Variants in VPS41 observed in about 807,000 individuals in gnomAD.
The protein encoded by VPS41 is VPS41 subunit of HOPS complex.
In VPS41, 85 loss-of-function variants were observed where a neutral mutation model predicts 130.9. The ratio of observed to expected loss-of-function variants is 0.65; its 90% CI spans 0.55 to 0.78. The LOEUF (loss-of-function observed/expected upper bound fraction) is 0.78, where lower values mean the gene tolerates loss of function less well. Ranked by LOEUF, VPS41 falls within the 30% of genes least tolerant of loss-of-function variation. The pLI, the probability that VPS41 is intolerant of heterozygous loss-of-function variation, is 0.00. For synonymous variants in VPS41, 335 were observed against 332.9 expected (o/e 1.01, Z -0.07); for missense variants, 874 against 1,018.7 (o/e 0.86, Z 1.93).
chr7:38,862,629 G>A lies in VPS41; in HGVS notation c.169-7C>T. 6.3e-7 allele frequency: 1 copy of A among 1,581,688 alleles called. No individual in the cohort carries two copies. The highest frequency in any genetic ancestry group is 8.6e-7 in the Non-Finnish European group (1 of 1,156,856). ...GTGTGCCCAATGCCAAAAACTGTAA[G>A]AAGAACAAAGAGGCCAGTTAATTAA... On this transcript the variant is annotated splice_polypyrimidine_tract_variant and splice_region_variant and intron_variant, in intron 3 of 28. Transcript: ENST00000310301.
intron 5 of VPS41, among the ~76,000 whole-genome samples, chr7:38,821,706 CA>C (rs10669199): frequency 1.3e-4 from 15 of 117,534 alleles, no homozygotes; most frequent in Admixed American, 2.8e-4. Context: ...GACTCCGTCT[CA>C]AAAAAAAAAA....
In VPS41 at chr7:38,743,463, G is replaced by A; in HGVS notation, c.2061C>T (p.Ala687=). Residue 687 remains alanine (A), a synonymous_variant, in exon 24 of 29, where the codon GCC becomes GCT. Transcript: ENST00000310301. ...ACAGCTCTCCATCATCTTGCTCCTT[G>A]GCAAATTCGATTGCTTTATCAACAT... ...LHDVDKAIEF[A]KEQDDGELWE... The A allele has an allele frequency of 6.2e-7, 1 of 1,613,920 alleles. No individual in the cohort carries two copies. Among genetic ancestry groups the A allele is most frequent in the East Asian group, 2.2e-5 (1 of 44,860 alleles).
At chr7:38,886,043 G>A (rs1485852857) in intron 2 of VPS41, among the ~76,000 whole-genome samples, 1 of 151,970 alleles carries the variant, frequency 6.6e-6, no homozygotes, top group African/African-American at 2.4e-5. Context: ...TTCCAAGATG[G>A]CCAAACAGGA....
At chr7:38,887,938 A>T (rs992713820) in intron 2 of VPS41, among the ~76,000 whole-genome samples, 1 of 152,200 alleles carries the variant, frequency 6.6e-6, no homozygotes, top group African/African-American at 2.4e-5. Flanking sequence ...TAAGCTTCAT[A>T]AGTAAAGGAG....
At chr7:38,894,807 G>C (rs1786946156) in intron 2 of VPS41, among the ~76,000 whole-genome samples, 2 of 152,060 alleles carry the variant, frequency 1.3e-5, no homozygotes, top group South Asian at 2.1e-4. Context: ...CTGGAGGCTA[G>C]ACAGCAAGAA....
chr7:38,808,619 G>T (rs1263180464), intron 7 of VPS41, among the ~76,000 whole-genome samples: 1 of 152,154 alleles, frequency 6.6e-6, no homozygotes, highest in East Asian at 1.9e-4. Flanking sequence ...ATGTTCAGAC[G>T]ATTCACTTGA....
chr7:38,753,032 C>T (rs1020410088), intron 21 of VPS41, among the ~76,000 whole-genome samples: 1 of 152,162 alleles, frequency 6.6e-6, no homozygotes, highest in Non-Finnish European at 1.5e-5. Context: ...CACAGGAAAT[C>T]AGTAATTCAC....
chr7:38,843,017 G>A (rs112194783), intron 4 of VPS41, among the ~76,000 whole-genome samples: 2 of 152,300 alleles, frequency 1.3e-5, no homozygotes, highest in African/African-American at 4.8e-5. Context: ...CACATCTCAT[G>A]CAATGAGAAA....
intron 7 of VPS41, among the ~76,000 whole-genome samples, chr7:38,807,721 C>T (rs1584405521): frequency 6.6e-6 from 1 of 152,204 alleles, no homozygotes; most frequent in Non-Finnish European, 1.5e-5. Flanking sequence ...ACGACACCAA[C>T]TAACAATGAC....
At chr7:38,767,422 C>T (rs541776628) in intron 15 of VPS41, 115 bp downstream of exon 15, 3 of 528,570 alleles carry the variant, frequency 5.7e-6, no homozygotes, top group South Asian at 4.3e-5. Context: ...AAATTACCCT[C>T]GTTAGAAAGA....
chr7:38,879,720 C>T (rs1273840986), intron 2 of VPS41, among the ~76,000 whole-genome samples: 2 of 152,024 alleles, frequency 1.3e-5, no homozygotes, highest in Non-Finnish European at 1.5e-5. Context: ...AGGGTTCATG[C>T]TTGTATGAGA....
intron 18 of VPS41, 70 bp from the exon 19 acceptor site, chr7:38,757,052 G>C: frequency 8.3e-6 from 10 of 1,208,890 alleles, no homozygotes; most frequent in Non-Finnish European, 1.2e-5. Context: ...GAGAGATCAT[G>C]GTTCACAATA....
At chr7:38,895,907 G>A (rs371950293) in intron 2 of VPS41, among the ~76,000 whole-genome samples, 1 of 152,110 alleles carries the variant, frequency 6.6e-6, no homozygotes, top group African/African-American at 2.4e-5. Flanking sequence ...TGATTTTTAT[G>A]TGCATTCTGC....
At chr7:38,810,712 A>G (rs930966821) in intron 7 of VPS41, among the ~76,000 whole-genome samples, 4 of 152,060 alleles carry the variant, frequency 2.6e-5, no homozygotes, top group Admixed American at 2.6e-4. Flanking sequence ...CTTTGCTCCA[A>G]TTTTTTGAAG....
At chr7:38,726,533 T>C (rs1795548117) in intron 28 of VPS41, among the ~76,000 whole-genome samples, 1 of 152,148 alleles carries the variant, frequency 6.6e-6, no homozygotes, top group East Asian at 1.9e-4. Flanking sequence ...AACAGCAGAA[T>C]ACGTCTAATG....
intron 4 of VPS41, among the ~76,000 whole-genome samples, chr7:38,848,185 G>GA (rs1324065832): frequency 2.0e-5 from 3 of 152,152 alleles, no homozygotes; most frequent in African/African-American, 7.2e-5. Context: ...TTGCTACATC[G>GA]AAAAGACATT....
chr7:38,892,917 A>C (rs1192011926), intron 2 of VPS41, among the ~76,000 whole-genome samples: 1 of 152,074 alleles, frequency 6.6e-6, no homozygotes, highest in Non-Finnish European at 1.5e-5. Flanking sequence ...CTCAAGAAGC[A>C]TTTCCTTGGA....
chr7:38,809,122 G>A (rs1301340313), intron 7 of VPS41, among the ~76,000 whole-genome samples: 1 of 151,988 alleles, frequency 6.6e-6, no homozygotes, highest in Non-Finnish European at 1.5e-5. Flanking sequence ...TAGCTTGAAC[G>A]TGGCAATCAC....
chr7:38,825,657 G>A (rs1785258972), intron 5 of VPS41, among the ~76,000 whole-genome samples: 1 of 152,014 alleles, frequency 6.6e-6, no homozygotes, highest in Non-Finnish European at 1.5e-5. Flanking sequence ...ACCTAATGAA[G>A]AAAAAGAGAA....
Sources: allele counts gnomAD v4.1 joint callset (sites outside exome capture counted in the v4.1 genomes callset), GRCh38; gene constraint gnomAD v4.1.1; transcripts MANE v1.5; gene names NCBI Gene and HGNC (gene_info 2026-07-23, HGNC 2026-07-21).